PTPRN2: variants seen among roughly 807,000 people sequenced by gnomAD.
The protein encoded by PTPRN2 is protein tyrosine phosphatase receptor type N2.
Under a neutral mutation model 118.8 loss-of-function variants are expected in PTPRN2, and 74 were observed. The ratio of observed to expected loss-of-function variants is 0.62; its 90% CI spans 0.52 to 0.76. PTPRN2 has a LOEUF of 0.76. Ranked by LOEUF, PTPRN2 falls within the 30% of genes least tolerant of loss-of-function variation. The pLI is 0.00. For missense variants in PTPRN2, 1,481 were observed against 1,394.4 expected (o/e 1.06, Z -0.99); for synonymous variants, 641 against 608.0 (o/e 1.05, Z -0.80).
rs1321318634 is a variant in PTPRN2 at position 158,438,128 on chromosome 7, A to G, written c.163+51607T>C. 6.6e-6 allele frequency among the ~76,000 whole-genome samples: 1 copy of G among 152,144 alleles called. No homozygotes were observed. Among genetic ancestry groups the G allele is most frequent in the East Asian group, 1.9e-4 (1 of 5,174 alleles). On this transcript the variant is annotated intron_variant, in intron 2 of 22. Coordinates refer to ENST00000389418, the MANE Select transcript of PTPRN2 (RefSeq NM_002847.5). The surrounding 1 kb of genome is among the most constrained non-coding windows in gnomAD (Gnocchi z 4.7). ...GGCTGTGGCTCACACCTGTCATCCC[A>G]GCACTTTGGGAGGCTGAGGTGGGCG...
intron 2 of PTPRN2, among the ~76,000 whole-genome samples, chr7:158,380,585 G>A (rs1810895085): frequency 6.6e-6 from 1 of 152,224 alleles, no homozygotes; most frequent in South Asian, 2.1e-4. Flanking sequence ...TCACGGGCTG[G>A]CATTGAGTGT....
At chr7:158,255,135 A>C (rs1796943448) in intron 3 of PTPRN2, among the ~76,000 whole-genome samples, 1 of 152,216 alleles carries the variant, frequency 6.6e-6, no homozygotes, top group Non-Finnish European at 1.5e-5. Context: ...AAGCCCCTGC[A>C]GGCTTCACGA....
Position 158,301,452 on chromosome 7 carries a change from A to G in PTPRN2, c.277+15367T>C, listed in dbSNP as rs118167990. ...ACTCCCAATTCTGAGTCATCGTCTT[A>G]GCTCCCGAGGTGCTTAGCAGAATGC... On this transcript the variant is annotated intron_variant, in intron 3 of 22. Transcript: ENST00000389418. 2.4e-4 allele frequency among the ~76,000 whole-genome samples: 36 copies of G among 152,340 alleles called. No individual in the cohort carries two copies. In the East Asian group the frequency reaches 6.6e-3, roughly 28 times the overall value.
At chr7:157,648,833 G>GA (rs1460318409) in intron 14 of PTPRN2, among the ~76,000 whole-genome samples, 1 of 147,008 alleles carries the variant, frequency 6.8e-6, no homozygotes, top group Non-Finnish European at 1.5e-5. Context: ...TGAACTCGGT[G>GA]GGTCGGACCC....
At chr7:157,930,332 A>G (rs59367107) in intron 11 of PTPRN2, among the ~76,000 whole-genome samples, 4,300 of 152,326 alleles carry the variant, frequency 0.028, 167 homozygotes, top group African/African-American at 0.09. Flanking sequence ...CAAACGTTGC[A>G]TAATAAAACA....
chr7:158,194,896 C>T (rs1394016982), intron 4 of PTPRN2, among the ~76,000 whole-genome samples: 3 of 122,294 alleles, frequency 2.5e-5, no homozygotes, highest in African/African-American at 4.2e-5. Context: ...TGCAATTCTC[C>T]CTCCAGCTCT....
At chr7:158,241,418 G>T (rs6968086) in intron 3 of PTPRN2, among the ~76,000 whole-genome samples, 87,569 of 151,918 alleles carry the variant, frequency 0.58, 25,612 homozygotes, top group Non-Finnish European at 0.64. Context: ...GGAGGTTGAG[G>T]CAGGAGAATG....
intron 11 of PTPRN2, among the ~76,000 whole-genome samples, chr7:157,966,003 C>T (rs995560977): frequency 1.3e-5 from 2 of 152,194 alleles, no homozygotes; most frequent in Non-Finnish European, 2.9e-5. Flanking sequence ...CCCAGTTTCA[C>T]AGACACAGAG....
intron 10 of PTPRN2, among the ~76,000 whole-genome samples, chr7:158,099,002 TCC>T (rs5888739): frequency 9.2e-3 from 138 of 14,924 alleles, no homozygotes; most frequent in East Asian, 0.086. Context: ...CTCCCCTTCC[TCC>T]CCCAACACAT....
intron 11 of PTPRN2, among the ~76,000 whole-genome samples, chr7:157,981,237 C>T (rs1803115321): frequency 6.6e-6 from 1 of 152,198 alleles, no homozygotes; most frequent in Non-Finnish European, 1.5e-5. Context: ...AGTGGTGTCA[C>T]CAGAACCATT....
chr7:157,762,355 C>T (rs1163451522), intron 12 of PTPRN2, among the ~76,000 whole-genome samples: 1 of 151,964 alleles, frequency 6.6e-6, no homozygotes, highest in Non-Finnish European at 1.5e-5. Flanking sequence ...AAATGTCCAA[C>T]AATAATAGAC....
At chr7:158,053,863 C>CGCAGAGACCCCAGAGAT (rs1309885823) in intron 11 of PTPRN2, among the ~76,000 whole-genome samples, 93 of 105,146 alleles carry the variant, frequency 8.8e-4, no homozygotes, top group East Asian at 3.9e-3. Context: ...ACTCCAGAGA[C>CGCAGAGACCCCAGAGAT]GCAGAGACCC....
intron 12 of PTPRN2, among the ~76,000 whole-genome samples, chr7:157,793,218 G>A (rs983912040): frequency 1.3e-5 from 2 of 152,102 alleles, no homozygotes; most frequent in African/African-American, 4.8e-5. Context: ...CCTCTGCAGA[G>A]CAAACACAGT....
At chr7:157,714,918 C>G (rs952699754) in intron 12 of PTPRN2, among the ~76,000 whole-genome samples, 3 of 149,290 alleles carry the variant, frequency 2.0e-5, no homozygotes, top group Non-Finnish European at 3.0e-5. Flanking sequence ...GCTCCAAGCC[C>G]GATCACTTCT....
intron 12 of PTPRN2, among the ~76,000 whole-genome samples, chr7:157,786,186 G>A (rs550006590): frequency 6.6e-6 from 1 of 152,332 alleles, no homozygotes; most frequent in East Asian, 1.9e-4. Flanking sequence ...CAAACCACAC[G>A]GGGAACGGCA....
intron 9 of PTPRN2, among the ~76,000 whole-genome samples, chr7:158,117,463 T>C (rs2150384512): frequency 6.6e-6 from 1 of 151,988 alleles, no homozygotes; most frequent in East Asian, 1.9e-4. Context: ...TGAGAGGAAA[T>C]TGTGCCCAAA....
intron 9 of PTPRN2, among the ~76,000 whole-genome samples, chr7:158,119,816 TCCTGGAATGTCTCCC>T (rs1817011467): frequency 6.6e-6 from 1 of 152,112 alleles, no homozygotes; most frequent in Admixed American, 6.5e-5. Context: ...CCACTGGGGT[TCCTGGAATGTCTCCC>T]CCTTAGATAA....
chr7:158,543,694 G>A (rs1038880304), intron 1 of PTPRN2, among the ~76,000 whole-genome samples: 4 of 152,234 alleles, frequency 2.6e-5, no homozygotes, highest in African/African-American at 9.6e-5. Flanking sequence ...GTAAGTGGAT[G>A]TTCTTAAAAT....
chr7:157,662,340 C>T (rs563639184), intron 13 of PTPRN2, among the ~76,000 whole-genome samples: 13 of 152,346 alleles, frequency 8.5e-5, no homozygotes, highest in African/African-American at 2.9e-4. Flanking sequence ...GCTATGGTCC[C>T]TTGCCGAGTC....
Sources: gnomAD v4.1 joint callset for allele counts (sites outside exome capture counted in the v4.1 genomes callset) on GRCh38, gnomAD v4.1.1 for gene constraint, Gnocchi (gnomAD v3.1) non-coding constraint, MANE v1.5 for transcripts, NCBI Gene and HGNC (gene_info 2026-07-23, HGNC 2026-07-21) for gene names.